The following CFAP65 variants were observed in gnomAD, a reference collection of about 807,000 sequenced individuals.
CFAP65 encodes the protein cilia and flagella associated protein 65, also known as cilia- and flagella-associated protein 65.
CFAP65 carries 155 observed loss-of-function variants against 208.0 expected under a neutral mutation model. That is an observed-to-expected ratio of 0.75 (90% CI 0.65 to 0.85). The LOEUF (loss-of-function observed/expected upper bound fraction) is 0.85. Ranked by LOEUF, CFAP65 falls within the 40% of genes least tolerant of loss-of-function variation. CFAP65 has a pLI of 0.00. For synonymous variants in CFAP65, 970 were observed against 986.3 expected (o/e 0.98, Z 0.31); for missense variants, 2,294 against 2,451.3 (o/e 0.94, Z 1.36).
intron 22 of CFAP65, 52 bp from the exon 23 acceptor site, chr2:219,013,637 T>C (rs761984351): frequency 4.0e-6 from 6 of 1,496,830 alleles, no homozygotes; most frequent in Non-Finnish European, 4.6e-6. Flanking sequence ...CTGGTACAAG[T>C]AGGAGAGCAA....
At position 219,032,304 on chromosome 2, in the gene CFAP65, G is replaced by A. The variant is rs950359681; in HGVS notation, c.645+166C>T. Among the ~76,000 whole-genome samples, 8 of 152,212 alleles carry A rather than the reference G, an allele frequency of 5.3e-5. No homozygotes were observed. The highest frequency in any genetic ancestry group is 1.4e-4 in the African/African-American group (6 of 41,454). On this transcript the variant is annotated intron_variant, in intron 6 of 34. Coordinates refer to ENST00000341552, the MANE Select transcript of CFAP65 (RefSeq NM_194302.4). This position sits in a 1 kb window ranked among gnomAD's most constrained non-coding sequence, Gnocchi z 5.5. ...TCCTGGGGAACGCCCTCTGTCTAAT[G>A]AGATGAGGGGCTAAGCCCTTGACGG... is the stretch of plus-strand genomic sequence containing the variant.
At chr2:219,006,312 C>T in intron 30 of CFAP65, 89 bp from the exon 31 acceptor site, 1 of 1,481,506 alleles carries the variant, frequency 6.7e-7, no homozygotes, top group South Asian at 1.2e-5. Flanking sequence ...CCCCCACAGG[C>T]TCTTTGGGCC....
intron 4 of CFAP65, among the ~76,000 whole-genome samples, chr2:219,037,383 T>C (rs12463605): frequency 0.68 from 103,777 of 152,042 alleles, 36,363 homozygotes; most frequent in Non-Finnish European, 0.77. Flanking sequence ...CAGTGTGAGA[T>C]TCCGTCTCAA....
intron 21 of CFAP65, chr2:219,015,006 A>T (rs1946764532): frequency 6.6e-6 from 1 of 151,494 alleles, no homozygotes; most frequent in African/African-American, 2.5e-5. Context: ...TGCATGCAAC[A>T]CACACCTGAG....
At position 219,030,143 on chromosome 2, in the gene CFAP65, G is replaced by T. The variant is rs904044963; in HGVS notation, c.1227C>A (p.Cys409Ter). The change falls in exon 10 of 35, where the codon TGC (cysteine) becomes TGA (stop). Residue 409 changes from cysteine to a stop codon, truncating the protein, a stop_gained. Coordinates refer to ENST00000341552, the MANE Select transcript of CFAP65 (RefSeq NM_194302.4). LOFTEE classifies it high-confidence loss of function. The part of the protein sequence containing the change: ...DELAEDQAFS[C>*]PTAHGIVLPG... Reference sequence around the variant, plus strand: ...GAAGCACGATGCCATGGGCCGTGGGGCATGAGAAGGCCTGGTCTTCGGCCA... The same window carrying T: ...GAAGCACGATGCCATGGGCCGTGGGTCATGAGAAGGCCTGGTCTTCGGCCA... 6.2e-7 allele frequency: 1 copy of T among 1,614,040 alleles called. No individual in the cohort carries two copies. Among genetic ancestry groups the T allele is most frequent in the African/African-American group, 1.3e-5 (1 of 74,914 alleles).
At position 219,004,112 on chromosome 2, in the gene CFAP65, CCTTCTCCTCTATCTCCTCCTT is replaced by C; in HGVS notation, c.5374_5394del (p.Lys1792_Lys1798del). ...TCTTCCTTCTCATCCCTCTCCTCCT[CCTTCTCCTCTATCTCCTCCTT>C]GCCCAACTCCTCCTCTTCTGTCTCC... On this transcript the variant is annotated inframe_deletion, in exon 33 of 35. Transcript: ENST00000341552. The surrounding 1 kb of genome is among the most constrained non-coding windows in gnomAD (Gnocchi z 4.7). 1.2e-6 allele frequency: 2 copies of C among 1,613,992 alleles called. No individual in the cohort carries two copies. The highest frequency in any genetic ancestry group is 1.7e-6 in the Non-Finnish European group (2 of 1,180,022).
chr2:219,028,286 AG>A lies in CFAP65; in HGVS notation c.1765del (p.Leu589SerfsTer11), dbSNP rs760790413. ...GGCATCCAGGATGTCAGGGGGGTAGAGCGTCAGGCCCCGGGCCAGGTGTGTG... is the reference window on the plus strand; with the variant it reads ...GGCATCCAGGATGTCAGGGGGGTAGACGTCAGGCCCCGGGCCAGGTGTGTG... ...YRTHLARGLT[L>X]YPPDILDAML... On this transcript the variant is annotated frameshift_variant, in exon 12 of 35. Transcript: ENST00000341552. LOFTEE classifies it high-confidence loss of function. 6.2e-7 allele frequency: 1 copy of A among 1,613,936 alleles called. No homozygotes were observed. The highest frequency in any genetic ancestry group is 8.5e-7 in the Non-Finnish European group (1 of 1,179,958).
chr2:219,036,672 G>A (rs1948385288), intron 4 of CFAP65, among the ~76,000 whole-genome samples: 1 of 152,090 alleles, frequency 6.6e-6, no homozygotes, highest in Non-Finnish European at 1.5e-5. Flanking sequence ...TTGAACTCCT[G>A]ACCTCAGGTG....
chr2:219,010,960 T>C lies in CFAP65; in HGVS notation c.3994A>G (p.Thr1332Ala). ...AGGACATCGGTCTGGACCTCATATG[T>C]CACGGGCACTGAGCCACCATTATAC... ...ELYNGGSVPV[T>A]YEVQTDVLSQ... is the part of the protein sequence containing the mutation. Residue 1332 changes from threonine to alanine, a missense_variant, in exon 25 of 35, where the codon ACA becomes GCA. Physicochemically the swap from Thr to Ala is moderately conservative, Grantham distance 58. This residue lies in a region of CFAP65 where 1,427 missense variants were observed against 1,438.7 expected (regional missense o/e 0.99). Transcript: ENST00000341552. 6.2e-7 allele frequency: 1 copy of C among 1,613,382 alleles called. No homozygotes were observed. The highest frequency in any genetic ancestry group is 1.1e-5 in the South Asian group (1 of 91,074).
intron 1 of CFAP65, 126 bp from the exon 2 acceptor site, chr2:219,040,690 A>G: frequency 7.1e-7 from 1 of 1,414,124 alleles, no homozygotes; most frequent in Non-Finnish European, 9.6e-7. Flanking sequence ...GAGCTCTGAA[A>G]AAGTCTCCAC....
rs189591973 is a variant in CFAP65 at position 219,031,432 on chromosome 2, C to G, written c.815+57G>C. 128 of 1,612,964 alleles carry G rather than the reference C, an allele frequency of 7.9e-5. No homozygotes were observed. The Middle Eastern group carries it at 2.5e-3, about 31-fold the overall frequency. On this transcript the variant is annotated intron_variant, in intron 7 of 34. Coordinates refer to ENST00000341552, the MANE Select transcript of CFAP65 (RefSeq NM_194302.4). This position sits in a 1 kb window ranked among gnomAD's most constrained non-coding sequence, Gnocchi z 5.2. ...AAGGGTATGCCTGTCTCTCCTGCTTCCAGACACCCTCCTCACAGCTCTTGC... is the reference window on the plus strand; with the variant it reads ...AAGGGTATGCCTGTCTCTCCTGCTTGCAGACACCCTCCTCACAGCTCTTGC...
Position 219,032,716 on chromosome 2 carries a change from A to G in CFAP65, c.543-144T>C. On this transcript the variant is annotated intron_variant, in intron 5 of 34. Coordinates refer to ENST00000341552, the MANE Select transcript of CFAP65 (RefSeq NM_194302.4). This position sits in a 1 kb window ranked among gnomAD's most constrained non-coding sequence, Gnocchi z 5.5. ...GCGATCAGGAGATGAGCACGTGGAG[A>G]TGGAAACTCAGGGGTTTGGTCACAA... 1.5e-6 allele frequency: 1 copy of G among 659,354 alleles called. No individual in the cohort carries two copies. Among genetic ancestry groups the G allele is most frequent in the Non-Finnish European group, 2.6e-6 (1 of 389,344 alleles). 40.8% of individuals were successfully genotyped at this position (659,354 alleles called of 1,614,324 possible).
At position 219,028,268 on chromosome 2, in the gene CFAP65, A is replaced by G; in HGVS notation, c.1784T>C (p.Leu595Pro). The G allele has an allele frequency of 6.2e-7, 1 of 1,614,076 alleles. No homozygotes were observed. Among genetic ancestry groups the G allele is most frequent in the Non-Finnish European group, 8.5e-7 (1 of 1,179,980 alleles). Reference protein sequence around the residue: ...RGLTLYPPDILDAMLKEKKLA... With the variant: ...RGLTLYPPDIPDAMLKEKKLA... ...CTTCTTCTCCTTCAGCATGGCATCC[A>G]GGATGTCAGGGGGGTAGAGCGTCAG... Residue 595 changes from leucine to proline, a missense_variant, in exon 12 of 35, where the codon CTG becomes CCG. Transcript: ENST00000341552.
chr2:219,030,927 G>A, intron 8 of CFAP65, 93 bp from the exon 9 acceptor site: 1 of 1,506,388 alleles, frequency 6.6e-7, no homozygotes, highest in Non-Finnish European at 8.9e-7. Flanking sequence ...TGGCCCCAGG[G>A]AAAATTTAGC....
chr2:219,024,583 T>C (rs1428802264), intron 14 of CFAP65, among the ~76,000 whole-genome samples: 1 of 152,024 alleles, frequency 6.6e-6, no homozygotes, highest in Non-Finnish European at 1.5e-5. Context: ...TGTCTTTGCA[T>C]CACTCTTTGG....
chr2:219,035,609 T>C lies in CFAP65; in HGVS notation c.413A>G (p.Asn138Ser). 1 of 1,614,080 alleles carries C rather than the reference T, an allele frequency of 6.2e-7. No individual in the cohort carries two copies. The change falls in exon 5 of 35, where the codon AAC (asparagine) becomes AGC (serine). Residue 138 changes from asparagine (N) to serine (S), a missense_variant. By Grantham distance (46) the Asn-to-Ser change is conservative. Transcript: ENST00000341552. ...CTCAATGCCCCAGATGACCCTCTTGTTCACTCTCTCCTGCTTCTTTGGGGA... is the reference window on the plus strand; with the variant it reads ...CTCAATGCCCCAGATGACCCTCTTGCTCACTCTCTCCTGCTTCTTTGGGGA... Reference protein sequence around the residue: ...MHSPKKQERVNKRVIWGIEVA... With the variant: ...MHSPKKQERVSKRVIWGIEVA...
chr2:219,028,768 C>T (rs998041908), intron 11 of CFAP65, among the ~76,000 whole-genome samples: 8 of 152,190 alleles, frequency 5.3e-5, no homozygotes, highest in African/African-American at 1.9e-4. Flanking sequence ...TCAGGCCTCC[C>T]TCTGGGCTTC....
At chr2:219,037,746 T>C (rs1948448706) in intron 4 of CFAP65, among the ~76,000 whole-genome samples, 1 of 152,072 alleles carries the variant, frequency 6.6e-6, no homozygotes, top group African/African-American at 2.4e-5. Context: ...AGATGTCTTT[T>C]AAAACATGAC....
intron 29 of CFAP65, among the ~76,000 whole-genome samples, chr2:219,008,011 G>A (rs1035218874): frequency 1.4e-4 from 22 of 152,026 alleles, no homozygotes; most frequent in Non-Finnish European, 2.9e-4. Flanking sequence ...TAGAGACGGG[G>A]TTTCACCATG....
Sources: allele counts gnomAD v4.1 joint callset (sites outside exome capture counted in the v4.1 genomes callset), GRCh38; gene constraint gnomAD v4.1.1; regional missense constraint gnomAD v4.1.1; non-coding constraint Gnocchi (gnomAD v3.1); transcripts MANE v1.5; gene names NCBI Gene and HGNC (gene_info 2026-07-23, HGNC 2026-07-21).